Variants in CREBBP observed in about 807,000 individuals in gnomAD.
CREBBP encodes the protein CREB-binding protein.
In CREBBP, 19 loss-of-function variants were observed where a neutral mutation model predicts 265.0. The observed-to-expected ratio is 0.07, with a 90% CI of 0.05 to 0.11. The LOEUF (loss-of-function observed/expected upper bound fraction) is 0.11. Ranked by LOEUF, CREBBP falls within the 10% of genes least tolerant of loss-of-function variation. The pLI, the probability that CREBBP is intolerant of heterozygous loss-of-function variation, is 1.00. For synonymous variants in CREBBP, 1,457 were observed against 1,223.7 expected (o/e 1.19, Z -3.98); for missense variants, 2,525 against 3,219.0 (o/e 0.78, Z 5.22).
chr16:3,844,774 G>A (rs779679878), intron 2 of CREBBP, among the ~76,000 whole-genome samples: 2 of 152,058 alleles, frequency 1.3e-5, no homozygotes, highest in Admixed American at 6.6e-5. Flanking sequence ...CCAGAGTAGC[G>A]TATACATAAC....
rs1596776869 is a variant in CREBBP at position 3,726,288 on chromosome 16, T to C, written c.*1430A>G. 4.4e-6 allele frequency: 1 copy of C among 227,246 alleles called. No homozygotes were observed. Among genetic ancestry groups the C allele is most frequent in the East Asian group, 6.1e-5 (1 of 16,386 alleles). 14.1% of individuals were successfully genotyped at this position (227,246 alleles called of 1,614,324 possible). A position where few individuals can be genotyped will look rare whatever the true frequency, so the allele number is the denominator to read the frequency against. ...CGGGAAGAAGCGCCGCCTCTGGGGG[T>C]GGCAGCTACGACGGACAGGGAGGAT... On this transcript the variant is annotated 3_prime_UTR_variant, in exon 31 of 31. Transcript: ENST00000262367.
chr16:3,865,193 C>T (rs957616695), intron 1 of CREBBP, among the ~76,000 whole-genome samples: 15 of 152,232 alleles, frequency 9.9e-5, no homozygotes, highest in African/African-American at 3.4e-4. Context: ...ACTATAAATG[C>T]ATATGCCTTT....
Position 3,778,771 on chromosome 16 carries a change from G to A in CREBBP, c.1870C>T (p.Arg624Cys), listed in dbSNP as rs2141237848. 1.2e-6 allele frequency: 2 copies of A among 1,614,046 alleles called. No individual in the cohort carries two copies. Among genetic ancestry groups the A allele is most frequent in the Non-Finnish European group, 8.5e-7 (1 of 1,179,942 alleles). The change falls in exon 9 of 31, where the codon CGC becomes TGC. Residue 624 changes from arginine (R) to cysteine (C), a missense_variant. Arg to Cys is a radical substitution (Grantham distance 180). Transcript: ENST00000262367. ...TAGGCTACCAGGTTTTCCATGCGGCGATCCTTTAGAGCTGCGGGATCAGGT... is the reference window on the plus strand; with the variant it reads ...TAGGCTACCAGGTTTTCCATGCGGCAATCCTTTAGAGCTGCGGGATCAGGT... ...PTPDPAALKD[R>C]RMENLVAYAK...
At chr16:3,780,660 T>G in intron 8 of CREBBP, 72 bp downstream of exon 8, 4 of 1,525,716 alleles carry the variant, frequency 2.6e-6, no homozygotes, top group Non-Finnish European at 3.6e-6. Flanking sequence ...CCTAGGGTAC[T>G]GTCATCTGGT....
In CREBBP at chr16:3,731,967, G is replaced by A. The variant is rs2051929629; in HGVS notation, c.4729-30C>T. On this transcript the variant is annotated intron_variant, in intron 28 of 30. Transcript: ENST00000262367. This position sits in a 1 kb window ranked among gnomAD's most constrained non-coding sequence, Gnocchi z 7.7. ...AACAACACGCAAGGCTGTGAGACCAGGCAAGTGCCCCTCCACACTTGGCAC... is the reference window on the plus strand; with the variant it reads ...AACAACACGCAAGGCTGTGAGACCAAGCAAGTGCCCCTCCACACTTGGCAC... The A allele has an allele frequency of 1.9e-6, 3 of 1,613,986 alleles. No individual in the cohort carries two copies. The highest frequency in any genetic ancestry group is 2.2e-5 in the South Asian group (2 of 91,076).
rs769051214 is a variant in CREBBP, at chr16:3,792,081, T to C, written c.1230A>G (p.Ala410=). ...AGKACQVAHC[A]SSRQIISHWK... ...AATGAGAGATGATTTGTCGTGAAGATGCACAATGGGCAACTATGACCAGAA... is the reference window on the plus strand; with the variant it reads ...AATGAGAGATGATTTGTCGTGAAGACGCACAATGGGCAACTATGACCAGAA... Residue 410 remains alanine (A), a synonymous_variant, in exon 5 of 31, where the codon GCA becomes GCG. Transcript: ENST00000262367. 3 of 1,613,948 alleles carry C rather than the reference T, an allele frequency of 1.9e-6. No homozygotes were observed. Among genetic ancestry groups the C allele is most frequent in the Non-Finnish European group, 2.5e-6 (3 of 1,179,764 alleles).
chr16:3,783,410 C>A (rs2053318479), intron 5 of CREBBP, among the ~76,000 whole-genome samples: 1 of 152,306 alleles, frequency 6.6e-6, no homozygotes, highest in East Asian at 1.9e-4. Context: ...AGAGATGATA[C>A]CTGGTCGGTC....
rs1466424348 is a variant in CREBBP, at chr16:3,769,310, G to A, written c.2924C>T (p.Pro975Leu). Reference protein sequence around the residue: ...AASIDNRVPTPSSVASAETNS... With the variant: ...AASIDNRVPTLSSVASAETNS... Reference sequence around the variant, plus strand: ...GGTTTCTGCGCTGGCCACCGAGGAGGGGGTAGGGACTCTGTTATCAATGCT... The same window carrying A: ...GGTTTCTGCGCTGGCCACCGAGGAGAGGGTAGGGACTCTGTTATCAATGCT... Residue 975 changes from proline (P) to leucine (L), a missense_variant, in exon 15 of 31, where the codon CCC (proline) becomes CTC (leucine). By Grantham distance (98) the Pro-to-Leu change is moderately conservative. Around this residue, in one of 19 missense-constraint regions of CREBBP, gnomAD observed 548 missense variants for 533.0 expected, o/e 1.03. Coordinates refer to ENST00000262367, the MANE Select transcript of CREBBP (RefSeq NM_004380.3). 1.9e-6 allele frequency: 3 copies of A among 1,614,070 alleles called. No individual in the cohort carries two copies. The highest frequency in any genetic ancestry group is 2.5e-6 in the Non-Finnish European group (3 of 1,180,034).
chr16:3,870,129 G>A (rs2055263744), intron 1 of CREBBP, among the ~76,000 whole-genome samples: 1 of 151,912 alleles, frequency 6.6e-6, no homozygotes. Flanking sequence ...CCACCACGGG[G>A]TAACTTTTAC....
chr16:3,746,371 C>T (rs1344877758), intron 21 of CREBBP, among the ~76,000 whole-genome samples: 1 of 151,986 alleles, frequency 6.6e-6, no homozygotes, highest in Non-Finnish European at 1.5e-5. Context: ...CACACACACA[C>T]AAATGGCGGC....
intron 2 of CREBBP, among the ~76,000 whole-genome samples, chr16:3,844,566 A>G (rs1343097639): frequency 6.6e-6 from 1 of 152,244 alleles, no homozygotes; most frequent in Non-Finnish European, 1.5e-5. Flanking sequence ...TCTTAATAAC[A>G]GAACACTAAA....
chr16:3,744,557 CCCAA>C (rs1030992471), intron 23 of CREBBP, among the ~76,000 whole-genome samples: 1 of 152,200 alleles, frequency 6.6e-6, no homozygotes, highest in African/African-American at 2.4e-5. Context: ...AGATCCACAG[CCCAA>C]GGCTGCGAGT....
intron 3 of CREBBP, among the ~76,000 whole-genome samples, chr16:3,809,257 A>C (rs1360187138): frequency 6.6e-6 from 1 of 151,800 alleles, no homozygotes; most frequent in Non-Finnish European, 1.5e-5. Flanking sequence ...CGCTCACTGC[A>C]ACCTCCACCT....
intron 6 of CREBBP, 64 bp from the exon 7 acceptor site, chr16:3,781,370 G>A: frequency 7.6e-7 from 1 of 1,311,856 alleles, no homozygotes; most frequent in Non-Finnish European, 1.1e-6. Flanking sequence ...AAGTTTTGAT[G>A]ACAGATAACC....
intron 21 of CREBBP, among the ~76,000 whole-genome samples, chr16:3,748,788 CTCTT>C (rs1299057323): frequency 6.6e-6 from 1 of 152,194 alleles, no homozygotes; most frequent in Non-Finnish European, 1.5e-5. Flanking sequence ...AATCTGAAGT[CTCTT>C]TAGGGGCTGT....
At chr16:3,831,132 C>G (rs188002163) in intron 2 of CREBBP, among the ~76,000 whole-genome samples, 2 of 152,078 alleles carry the variant, frequency 1.3e-5, no homozygotes, top group African/African-American at 4.8e-5. Context: ...TTTGCTGGGC[C>G]GTAAGACAAG....
In CREBBP at chr16:3,850,814, G is replaced by A. The variant is rs979410323; in HGVS notation, c.281C>T (p.Pro94Leu). The A allele has an allele frequency of 2.5e-6, 4 of 1,614,014 alleles. No homozygotes were observed. The highest frequency in any genetic ancestry group is 1.3e-5 in the African/African-American group (1 of 74,928). Residue 94 changes from proline (P) to leucine (L), a missense_variant, in exon 2 of 31, where the codon CCC (proline) becomes CTC (leucine). Pro to Leu is a moderately conservative substitution (Grantham distance 98, BLOSUM62 -3). Around this residue, in one of 19 missense-constraint regions of CREBBP, gnomAD observed 356 missense variants for 340.4 expected, o/e 1.05. Coordinates refer to ENST00000262367, the MANE Select transcript of CREBBP (RefSeq NM_004380.3). ...CTGGCCACCCAGGCCCTGCTGCACGGGGCTGCTGGCGCTCACATTTCCTAT... is the reference window on the plus strand; with the variant it reads ...CTGGCCACCCAGGCCCTGCTGCACGAGGCTGCTGGCGCTCACATTTCCTAT... ...PGIGNVSASS[P>L]VQQGLGGQAQ... is the part of the protein sequence containing the mutation.
intron 1 of CREBBP, among the ~76,000 whole-genome samples, chr16:3,866,153 C>G (rs1281784035): frequency 6.6e-6 from 1 of 152,120 alleles, no homozygotes; most frequent in East Asian, 1.9e-4. Context: ...GAAAAGGGCA[C>G]TTTAAAGAAG....
chr16:3,879,480 G>C (rs935040034), intron 1 of CREBBP, among the ~76,000 whole-genome samples: 1 of 152,208 alleles, frequency 6.6e-6, no homozygotes, highest in Non-Finnish European at 1.5e-5. Context: ...TCATTCCTCT[G>C]GACGGCCACG....
Sources: gnomAD v4.1 joint callset for allele counts (sites outside exome capture counted in the v4.1 genomes callset) on GRCh38, gnomAD v4.1.1 for gene constraint, gnomAD v4.1.1 regional missense constraint, Gnocchi (gnomAD v3.1) non-coding constraint, MANE v1.5 for transcripts, NCBI Gene and HGNC (gene_info 2026-07-23, HGNC 2026-07-21) for gene names.